The following CCDC3 variants were observed in gnomAD, a reference collection of about 807,000 sequenced individuals.
The protein encoded by CCDC3 is coiled-coil domain containing 3.
A neutral mutation model predicts 21.4 loss-of-function variants in CCDC3; 24 were observed. The observed-to-expected ratio is 1.12, with a 90% CI of 0.81 to 1.58. The LOEUF (loss-of-function observed/expected upper bound fraction) is 1.58, where lower values mean the gene tolerates loss of function less well. Among genes scored for constraint, CCDC3 ranks in the 40% most tolerant of loss-of-function variants. The probability of loss-of-function intolerance (pLI) is 0.00; values close to 1 mark genes in which losing one functional copy is unlikely to be tolerated. For synonymous variants in CCDC3, 186 were observed against 166.0 expected (o/e 1.12, Z -0.93); for missense variants, 425 against 360.9 (o/e 1.18, Z -1.44).
At chr10:12,962,430 C>G (rs1242934307) in intron 2 of CCDC3, among the ~76,000 whole-genome samples, 1 of 152,170 alleles carries the variant, frequency 6.6e-6, no homozygotes. Flanking sequence ...TGGTGAAACC[C>G]TGTCTCTACT....
chr10:12,902,896 G>T (rs981954776), intron 2 of CCDC3, among the ~76,000 whole-genome samples: 1 of 152,188 alleles, frequency 6.6e-6, no homozygotes. Context: ...GGGACGCCTT[G>T]AAGTGCATCT....
chr10:12,966,085 G>A lies in CCDC3; in HGVS notation c.549+32253C>T, dbSNP rs528979484. On this transcript the variant is annotated intron_variant, in intron 2 of 2. Coordinates refer to ENST00000378825, the MANE Select transcript of CCDC3 (RefSeq NM_031455.4). ...CAAGGCTGGGCCTCACTCTATCACC[G>A]TCTGTGGGCAATAAGCCCCTGGCAG... Among the ~76,000 whole-genome samples, 37 of 152,138 alleles carry A rather than the reference G, an allele frequency of 2.4e-4. No individual in the cohort carries two copies. In the South Asian group the frequency reaches 7.3e-3, roughly 30 times the overall value.
chr10:12,925,451 C>CT (rs1279712761), intron 2 of CCDC3, among the ~76,000 whole-genome samples: 1 of 152,234 alleles, frequency 6.6e-6, no homozygotes, highest in African/African-American at 2.4e-5. Context: ...TAAGTAACCT[C>CT]TCCCCCAGCG....
In CCDC3 at chr10:12,913,726, G is replaced by A. The variant is rs184196255; in HGVS notation, c.550-15047C>T. On this transcript the variant is annotated intron_variant, in intron 2 of 2. Transcript: ENST00000378825. Reference sequence around the variant, plus strand: ...GATGTTAGCTGTGGGTTTGTCTTACGTGGCCTTTATTGTGTTGAGACACAT... The same window carrying A: ...GATGTTAGCTGTGGGTTTGTCTTACATGGCCTTTATTGTGTTGAGACACAT... 2.2e-3 allele frequency among the ~76,000 whole-genome samples: 333 copies of A among 152,294 alleles called. 6 individuals are homozygous for A. In the South Asian group the frequency reaches 0.029, roughly 13 times the overall value.
chr10:13,059,470 TAAATG>T (rs2131431276), intron 4 of CCDC3, among the ~76,000 whole-genome samples: 1 of 152,240 alleles, frequency 6.6e-6, no homozygotes, highest in South Asian at 2.1e-4. Context: ...GTAAAGACAA[TAAATG>T]AAATATTGGA....
At chr10:13,001,850 G>C (rs1456114283), upstream of CCDC3, among the ~76,000 whole-genome samples, 1 of 151,766 alleles carries the variant, frequency 6.6e-6, no homozygotes, top group African/African-American at 2.4e-5. Flanking sequence ...GGCGCCGGCT[G>C]GGGCGGGGAC....
Position 13,001,620 on chromosome 10 carries a change from C to T in CCDC3, c.-50G>A, listed in dbSNP as rs2131288624. 9.2e-7 allele frequency: 1 copy of T among 1,086,700 alleles called. No homozygotes were observed. Among genetic ancestry groups the T allele is most frequent in the African/African-American group, 1.7e-5 (1 of 59,762 alleles). The allele number at this position is 1,086,700 out of a possible 1,614,324, so 67.3% of individuals were successfully genotyped here. A position where few individuals can be genotyped will look rare whatever the true frequency, so the allele number is the denominator to read the frequency against. ...GGCGGCGGCGGGGAGCCCGGGGAGC[C>T]CGCCGGCCCGGGAAGGGCAGCCCTG... On this transcript the variant is annotated 5_prime_UTR_variant, in exon 1 of 3. Coordinates refer to ENST00000378825, the MANE Select transcript of CCDC3 (RefSeq NM_031455.4).
At chr10:13,071,071 T>C (rs1180668767) in intron 4 of CCDC3, among the ~76,000 whole-genome samples, 5 of 152,132 alleles carry the variant, frequency 3.3e-5, no homozygotes, top group South Asian at 2.1e-4. Flanking sequence ...TTCCAGGTGA[T>C]GAAAATAAAT....
intron 2 of CCDC3, among the ~76,000 whole-genome samples, chr10:12,941,961 T>C (rs1343100205): frequency 1.3e-5 from 2 of 152,236 alleles, no homozygotes; most frequent in African/African-American, 4.8e-5. Context: ...CTTACCTTTG[T>C]TGAAGGCGGT....
At chr10:12,920,849 G>T (rs1256931247) in intron 2 of CCDC3, among the ~76,000 whole-genome samples, 1 of 152,154 alleles carries the variant, frequency 6.6e-6, no homozygotes, top group Non-Finnish European at 1.5e-5. Context: ...ATCTCAAAAG[G>T]TAGCGCTCCC....
rs71477255 is a variant in CCDC3, at chr10:13,041,504, ATTT to A, written c.-2+8167_-2+8169del. On this transcript the variant is annotated intron_variant, in intron 5 of 6. Coordinates refer to the CCDC3 transcript ENST00000378839. ...GTTCACTCCAAGTGTCTGGCAGATA[ATTT>A]TTTTTTTTTTTTTTTTTTTTTTTTT... 3.3e-3 allele frequency among the ~76,000 whole-genome samples: 204 copies of A among 62,060 alleles called. 3 individuals are homozygous for A. The highest frequency in any genetic ancestry group is 0.019 in the South Asian group (29 of 1,540). 40.7% of individuals were successfully genotyped at this position (62,060 alleles called of 152,430 possible).
chr10:12,994,580 G>A (rs925902644), intron 2 of CCDC3, among the ~76,000 whole-genome samples: 3 of 152,004 alleles, frequency 2.0e-5, no homozygotes, highest in Admixed American at 2.0e-4. Flanking sequence ...GAGTGTTAGC[G>A]TGTTCTGATT....
chr10:13,076,243 G>A (rs1836963283), intron 3 of CCDC3, among the ~76,000 whole-genome samples: 1 of 152,170 alleles, frequency 6.6e-6, no homozygotes, highest in African/African-American at 2.4e-5. Context: ...AAAATAGAGA[G>A]GATAAAGCAA....
At chr10:13,029,358 T>G (rs537463642) in intron 5 of CCDC3, among the ~76,000 whole-genome samples, 3 of 151,948 alleles carry the variant, frequency 2.0e-5, no homozygotes, top group African/African-American at 7.3e-5. Context: ...AGACCAAAGG[T>G]AGATAAAACC....
At chr10:13,063,500 T>C (rs1050836444) in intron 4 of CCDC3, among the ~76,000 whole-genome samples, 2 of 152,204 alleles carry the variant, frequency 1.3e-5, no homozygotes, top group Non-Finnish European at 2.9e-5. Context: ...TTTATGTGTG[T>C]AGATGTTTAT....
chr10:12,945,428 C>A (rs972195783), intron 2 of CCDC3, among the ~76,000 whole-genome samples: 5 of 151,238 alleles, frequency 3.3e-5, no homozygotes, highest in South Asian at 4.2e-4. Flanking sequence ...AAAAAAAAAA[C>A]CCCGAATGGA....
At position 13,001,412 on chromosome 10, in the gene CCDC3, G is replaced by C. The variant is rs777423328; in HGVS notation, c.159C>G (p.Pro53=). The change falls in exon 1 of 3, where the codon CCC becomes CCG. Residue 53 remains proline, a synonymous_variant. Coordinates refer to ENST00000378825, the MANE Select transcript of CCDC3 (RefSeq NM_031455.4). The part of the protein sequence containing the change: ...IVYARVLALH[P]EAPGLYNHLP... ...GGTGGTTGTAGAGGCCGGGCGCCTC[G>C]GGGTGCAGCGCCAGCACCCTGGCGT... The C allele has an allele frequency of 1.3e-6, 2 of 1,555,360 alleles. No individual in the cohort carries two copies. Among genetic ancestry groups the C allele is most frequent in the East Asian group, 2.4e-5 (1 of 42,146 alleles).
intron 2 of CCDC3, among the ~76,000 whole-genome samples, chr10:12,963,513 G>C (rs1835211249): frequency 6.6e-6 from 1 of 151,396 alleles, no homozygotes; most frequent in African/African-American, 2.4e-5. Context: ...TGATCCTATA[G>C]GGGTTATTAT....
chr10:12,923,659 C>CA (rs1408962008), intron 2 of CCDC3, among the ~76,000 whole-genome samples: 3 of 152,128 alleles, frequency 2.0e-5, no homozygotes, highest in Non-Finnish European at 4.4e-5. Flanking sequence ...GCGTCCCGGT[C>CA]ATTTCTATCC....
Sources: gnomAD v4.1 joint callset for allele counts (sites outside exome capture counted in the v4.1 genomes callset) on GRCh38, gnomAD v4.1.1 for gene constraint, MANE v1.5 for transcripts, NCBI Gene and HGNC (gene_info 2026-07-23, HGNC 2026-07-21) for gene names.